The following CASD1 variants were observed in gnomAD, a reference collection of about 807,000 sequenced individuals.
CASD1 encodes CAS1 domain sialic acid O acetyltransferase 1.
In CASD1, 41 loss-of-function variants were observed where a neutral mutation model predicts 100.0. That is an observed-to-expected ratio of 0.41 (90% CI 0.32 to 0.53). The LOEUF (loss-of-function observed/expected upper bound fraction) is 0.53. CASD1 is among the 20% of genes least tolerant of loss of function. CASD1 has a pLI of 0.25. For synonymous variants in CASD1, 321 were observed against 315.6 expected (o/e 1.02, Z -0.18); for missense variants, 774 against 948.7 (o/e 0.82, Z 2.42).
chr7:94,542,730 T>C (rs907750965), intron 10 of CASD1, among the ~76,000 whole-genome samples: 1 of 152,164 alleles, frequency 6.6e-6, no homozygotes, highest in Non-Finnish European at 1.5e-5. Flanking sequence ...TAAAAGATGC[T>C]TAGGCAATCC....
chr7:94,579,512 A>C, the CASD1 span, among the ~76,000 whole-genome samples: 2 of 152,234 alleles, frequency 1.3e-5, no homozygotes, highest in East Asian at 3.8e-4. Flanking sequence ...GAAAGTAATA[A>C]AATTTGTACA....
At chr7:94,614,313 T>C in the CASD1 span, among the ~76,000 whole-genome samples, 1 of 152,038 alleles carries the variant, frequency 6.6e-6, no homozygotes, top group Admixed American at 6.6e-5. Flanking sequence ...TCCCAGCACC[T>C]ATATCCACAC....
chr7:94,553,367 T>A (rs980373589), intron 16 of CASD1, among the ~76,000 whole-genome samples: 1 of 152,188 alleles, frequency 6.6e-6, no homozygotes, highest in Admixed American at 6.6e-5. Context: ...AGACTAGATT[T>A]AAACTTGAGT....
downstream of CASD1, among the ~76,000 whole-genome samples, chr7:94,558,876 T>A (rs1166714488): frequency 2.0e-5 from 3 of 152,126 alleles, no homozygotes; most frequent in Non-Finnish European, 2.9e-5. Context: ...CTTGGCTTAC[T>A]GCAACCTCCG....
At chr7:94,564,793 C>T in the CASD1 span, among the ~76,000 whole-genome samples, 1 of 152,114 alleles carries the variant, frequency 6.6e-6, no homozygotes, top group African/African-American at 2.4e-5. Flanking sequence ...CTTTTAACAG[C>T]AACAATCACA....
chr7:94,606,638 C>G, the CASD1 span, among the ~76,000 whole-genome samples: 12 of 152,252 alleles, frequency 7.9e-5, no homozygotes, highest in Non-Finnish European at 1.5e-4. Context: ...TTTTAATAGA[C>G]ACTTAGAGAC....
the CASD1 span, among the ~76,000 whole-genome samples, chr7:94,572,362 T>G: frequency 6.6e-6 from 1 of 152,192 alleles, no homozygotes; most frequent in Non-Finnish European, 1.5e-5. Flanking sequence ...TGAATCTCAG[T>G]TGTGTCTCTT....
the CASD1 span, among the ~76,000 whole-genome samples, chr7:94,563,686 C>G: frequency 6.6e-6 from 1 of 152,000 alleles, no homozygotes; most frequent in African/African-American, 2.4e-5. Context: ...CCCCCACGCC[C>G]CCGCTGAAAG....
chr7:94,530,935 T>A (rs1296418010), intron 5 of CASD1, among the ~76,000 whole-genome samples: 1 of 152,070 alleles, frequency 6.6e-6, no homozygotes, highest in Non-Finnish European at 1.5e-5. Context: ...CAGTGTCCCT[T>A]TCAAAACTTG....
At chr7:94,553,785 C>T (rs923393529) in intron 16 of CASD1, 2 of 83,730 alleles carry the variant, frequency 2.4e-5, no homozygotes, top group Non-Finnish European at 5.3e-5. Context: ...TACCCTAGAA[C>T]TTAAATAAAT....
chr7:94,548,138 A>G (rs1413198325), intron 13 of CASD1, among the ~76,000 whole-genome samples: 1 of 151,884 alleles, frequency 6.6e-6, no homozygotes. Context: ...CACTCTGTGG[A>G]TACTGCTGAG....
At chr7:94,588,992 T>C in the CASD1 span, 9 of 476,074 alleles carry the variant, frequency 1.9e-5, no homozygotes, top group Non-Finnish European at 3.1e-5. Flanking sequence ...CCCTAAGAGG[T>C]AGGTGTTAAT....
chr7:94,604,857 AT>A, the CASD1 span, among the ~76,000 whole-genome samples: 13 of 99,792 alleles, frequency 1.3e-4, no homozygotes, highest in South Asian at 3.5e-4. Context: ...ATATATATAT[AT>A]AATAGTTGTT....
At chr7:94,598,882 C>G in the CASD1 span, 1 of 1,613,134 alleles carries the variant, frequency 6.2e-7, no homozygotes, top group Non-Finnish European at 8.5e-7. Flanking sequence ...TTGACAGGGG[C>G]CATGCTATCT....
At chr7:94,531,530 G>A (rs985688317) in intron 5 of CASD1, among the ~76,000 whole-genome samples, 2 of 152,008 alleles carry the variant, frequency 1.3e-5, no homozygotes, top group African/African-American at 4.8e-5. Flanking sequence ...GTAAGTTTTG[G>A]GAATGAGAAA....
the CASD1 span, chr7:94,588,661 A>G: frequency 6.3e-7 from 1 of 1,574,832 alleles, no homozygotes; most frequent in Non-Finnish European, 8.7e-7. Context: ...TCATTCATAA[A>G]CATTAATTTA....
chr7:94,528,168 T>G lies in CASD1; in HGVS notation c.397-20T>G. 2 of 1,553,278 alleles carry G rather than the reference T, an allele frequency of 1.3e-6. No individual in the cohort carries two copies. The highest frequency in any genetic ancestry group is 1.8e-6 in the Non-Finnish European group (2 of 1,133,326). ...AGAGTTTCTTCAACTTTTTCTTTAC[T>G]TCTAACATTTCTCTTTTAGGATTTT... On this transcript the variant is annotated intron_variant, in intron 4 of 17. Transcript: ENST00000297273.
At chr7:94,572,859 T>C in the CASD1 span, among the ~76,000 whole-genome samples, 1 of 152,170 alleles carries the variant, frequency 6.6e-6, no homozygotes. Flanking sequence ...TTTTTATAAT[T>C]TGGGGTTTTA....
chr7:94,628,108 A>T, the CASD1 span: 1 of 945,842 alleles, frequency 1.1e-6, no homozygotes, highest in Non-Finnish European at 1.6e-6. Flanking sequence ...AGGTAACTTT[A>T]GTTTCAACAC....
Sources: gnomAD v4.1 joint callset for allele counts (sites outside exome capture counted in the v4.1 genomes callset) on GRCh38, gnomAD v4.1.1 for gene constraint, MANE v1.5 for transcripts, NCBI Gene and HGNC (gene_info 2026-07-23, HGNC 2026-07-21) for gene names.